The following CSMD3 variants were observed in gnomAD, a reference collection of about 807,000 sequenced individuals.
The protein encoded by CSMD3 is CUB and sushi domain-containing protein 3.
CSMD3 carries 177 observed loss-of-function variants against 435.2 expected under a neutral mutation model. The ratio of observed to expected loss-of-function variants is 0.41; its 90% confidence interval spans 0.36 to 0.46. The LOEUF is 0.46. Among genes scored for constraint, CSMD3 ranks in the 20% least tolerant of loss-of-function variants. The pLI is 0.34. For synonymous variants in CSMD3, 1,656 were observed against 1,520.5 expected (o/e 1.09, Z -2.07); for missense variants, 4,265 against 4,504.6 (o/e 0.95, Z 1.52).
chr8:112,271,394 T>C (rs1017431856), intron 59 of CSMD3, among the ~76,000 whole-genome samples: 2 of 152,274 alleles, frequency 1.3e-5, no homozygotes, highest in Admixed American at 1.3e-4. Flanking sequence ...AAATAGGTCA[T>C]AAATTAATGA....
At chr8:112,922,657 G>A (rs141911287) in intron 9 of CSMD3, among the ~76,000 whole-genome samples, 52 of 151,854 alleles carry the variant, frequency 3.4e-4, no homozygotes, top group African/African-American at 1.1e-3. Context: ...GGCTCAATTC[G>A]CATAACAATC....
chr8:113,227,104 CACA>C (rs148494575), intron 3 of CSMD3, among the ~76,000 whole-genome samples: 1,624 of 151,510 alleles, frequency 0.011, 13 homozygotes, highest in Middle Eastern at 0.031. Flanking sequence ...ACACACTTTC[CACA>C]ACAATATTCT....
intron 32 of CSMD3, among the ~76,000 whole-genome samples, chr8:112,415,694 C>T (rs1811833753): frequency 6.6e-6 from 1 of 152,196 alleles, no homozygotes; most frequent in South Asian, 2.1e-4. Context: ...TTTTACCCTG[C>T]AATGCCACAG....
intron 1 of CSMD3, among the ~76,000 whole-genome samples, chr8:113,349,404 A>G (rs1429309612): frequency 6.6e-6 from 1 of 152,140 alleles, no homozygotes; most frequent in Admixed American, 6.6e-5. Flanking sequence ...GATGTGCTAA[A>G]TGGCATAGAT....
intron 1 of CSMD3, among the ~76,000 whole-genome samples, chr8:113,418,527 C>T (rs770459689): frequency 6.6e-6 from 1 of 152,034 alleles, no homozygotes; most frequent in Non-Finnish European, 1.5e-5. Context: ...AAGTCTATTT[C>T]AGGAATAGCA....
In CSMD3 at chr8:112,392,286, GAC is replaced by G. The variant is rs1283552269; in HGVS notation, c.5810-1500_5810-1499del. 1.1e-3 allele frequency among the ~76,000 whole-genome samples: 58 copies of G among 54,724 alleles called. 1 individual carries two copies. Among genetic ancestry groups the G allele is most frequent in the African/African-American group, 3.8e-3 (56 of 14,688 alleles). The allele number at this position is 54,724 out of a possible 152,430, so 35.9% of individuals were successfully genotyped here. ...ATTACAGTTTTGTGCCACTTCCAAA[GAC>G]AAACGCAAAAACCAGGGCAATTACT... On this transcript the variant is annotated intron_variant, in intron 35 of 70. Transcript: ENST00000297405.
rs796278732 is a variant in CSMD3 at position 112,320,042 on chromosome 8, A to C, written c.7166-61T>G. The C allele has an allele frequency of 1.0e-5, 11 of 1,058,684 alleles. No homozygotes were observed. In the African/African-American group the frequency reaches 1.6e-4, roughly 15 times the overall value. The allele number at this position is 1,058,684 out of a possible 1,614,324, so 65.6% of individuals were successfully genotyped here. A position where few individuals can be genotyped will look rare whatever the true frequency, so the allele number is the denominator to read the frequency against. On this transcript the variant is annotated intron_variant, in intron 45 of 70. Coordinates refer to ENST00000297405, the MANE Select transcript of CSMD3 (RefSeq NM_198123.2). ...TGCAGCTACATGTATTCACATATGC[A>C]AAAAAACAAGAAAATTATGGAAAGT...
intron 31 of CSMD3, among the ~76,000 whole-genome samples, chr8:112,473,789 G>A (rs1394984965): frequency 6.8e-6 from 1 of 146,730 alleles, no homozygotes; most frequent in African/African-American, 2.5e-5. Context: ...GAGTCAGAAT[G>A]AGTTTCCTGA....
chr8:113,433,448 G>A (rs1295508035), intron 1 of CSMD3, among the ~76,000 whole-genome samples: 1 of 152,140 alleles, frequency 6.6e-6, no homozygotes, highest in Non-Finnish European at 1.5e-5. Context: ...TAAGACACCC[G>A]CGCCCCTCTC....
chr8:112,489,259 A>G (rs1257808381), intron 31 of CSMD3, among the ~76,000 whole-genome samples: 1 of 152,068 alleles, frequency 6.6e-6, no homozygotes, highest in African/African-American at 2.4e-5. Context: ...CTCTGCAAAA[A>G]AAATAAAAAT....
chr8:112,865,192 C>T (rs186295313), intron 10 of CSMD3, among the ~76,000 whole-genome samples: 1 of 152,288 alleles, frequency 6.6e-6, no homozygotes, highest in African/African-American at 2.4e-5. Flanking sequence ...ATATGTTTAG[C>T]TTTAACTGTA....
chr8:112,882,805 C>T (rs996446097), intron 10 of CSMD3, among the ~76,000 whole-genome samples: 1 of 151,976 alleles, frequency 6.6e-6, no homozygotes, highest in African/African-American at 2.4e-5. Context: ...TTGAATGACA[C>T]TTAAGAAACT....
At chr8:113,361,202 T>C (rs1223666091) in intron 1 of CSMD3, among the ~76,000 whole-genome samples, 2 of 152,178 alleles carry the variant, frequency 1.3e-5, no homozygotes, top group Admixed American at 6.5e-5. Flanking sequence ...AATGTACTTA[T>C]AATTGCTTCT....
intron 4 of CSMD3, among the ~76,000 whole-genome samples, chr8:113,106,074 T>C (rs146153578): frequency 1.1e-4 from 16 of 152,238 alleles, no homozygotes; most frequent in Non-Finnish European, 2.1e-4. Context: ...ATCTGGCTTA[T>C]AGACTTTTTT....
At chr8:112,957,922 T>G (rs890073759) in intron 7 of CSMD3, among the ~76,000 whole-genome samples, 3 of 152,114 alleles carry the variant, frequency 2.0e-5, no homozygotes, top group African/African-American at 4.8e-5. Context: ...TTTTTTGTAT[T>G]TTAGTAGAGA....
chr8:113,036,490 G>A (rs1306009818), intron 5 of CSMD3, among the ~76,000 whole-genome samples: 1 of 151,944 alleles, frequency 6.6e-6, no homozygotes, highest in Non-Finnish European at 1.5e-5. Context: ...GAGCACCACT[G>A]ATCTGTTTCT....
At chr8:112,449,795 TCACTG>T (rs1403715399) in intron 32 of CSMD3, among the ~76,000 whole-genome samples, 14 of 152,192 alleles carry the variant, frequency 9.2e-5, no homozygotes, top group Non-Finnish European at 1.6e-4. Flanking sequence ...CGATCTCGGC[TCACTG>T]CATCCTCCGC....
At chr8:113,124,324 T>C (rs536221586) in intron 4 of CSMD3, among the ~76,000 whole-genome samples, 1 of 152,048 alleles carries the variant, frequency 6.6e-6, no homozygotes, top group South Asian at 2.1e-4. Flanking sequence ...TTACATTACT[T>C]ATAGACTCCA....
In CSMD3 at chr8:113,035,925, T is replaced by A. The variant is rs182771312; in HGVS notation, c.918-16746A>T. On this transcript the variant is annotated intron_variant, in intron 5 of 70. Coordinates refer to ENST00000297405, the MANE Select transcript of CSMD3 (RefSeq NM_198123.2). ...CTTGCACAGTAAGGAAATGCATTCA[T>A]TATTTGCCCATAATTGCATTCTCAA... is the stretch of plus-strand genomic sequence containing the variant. 2.0e-5 allele frequency among the ~76,000 whole-genome samples: 3 copies of A among 152,088 alleles called. No individual in the cohort carries two copies. In the East Asian group the frequency reaches 5.8e-4, roughly 29 times the overall value.
Sources: allele counts gnomAD v4.1 joint callset (sites outside exome capture counted in the v4.1 genomes callset), GRCh38; gene constraint gnomAD v4.1.1; transcripts MANE v1.5; gene names NCBI Gene and HGNC (gene_info 2026-07-23, HGNC 2026-07-21).